TPCN1: variants seen among roughly 807,000 people sequenced by gnomAD.
TPCN1 encodes two pore channel protein 1.
A neutral mutation model predicts 108.8 loss-of-function variants in TPCN1; 52 were observed. The ratio of observed to expected loss-of-function variants is 0.48; its 90% CI spans 0.38 to 0.60. TPCN1 has a LOEUF of 0.60. TPCN1 is among the 20% of genes least tolerant of loss of function. TPCN1 has a pLI of 0.00. For synonymous variants in TPCN1, 446 were observed against 433.7 expected (o/e 1.03, Z -0.35); for missense variants, 806 against 1,072.8 (o/e 0.75, Z 3.47).
At chr12:113,246,585 G>A (rs184120179) in intron 2 of TPCN1, among the ~76,000 whole-genome samples, 105 of 152,284 alleles carry the variant, frequency 6.9e-4, no homozygotes, top group African/African-American at 2.1e-3. Flanking sequence ...TGTCCGGCCC[G>A]GTTGCCTCCC....
rs779315051 is a variant in TPCN1, at chr12:113,268,723, C to G, written c.529-19C>G. On this transcript the variant is annotated intron_variant, in intron 5 of 27. Coordinates refer to ENST00000335509, the MANE Select transcript of TPCN1 (RefSeq NM_017901.6). The surrounding 1 kb of genome is among the most constrained non-coding windows in gnomAD (Gnocchi z 7.3). ...CTGGGCTGCAGGGGCTGACGGTGCTCCATGCCTGCCACCCACAGACCTCGG... is the reference window on the plus strand; with the variant it reads ...CTGGGCTGCAGGGGCTGACGGTGCTGCATGCCTGCCACCCACAGACCTCGG... The G allele has an allele frequency of 2.5e-6, 4 of 1,612,314 alleles. No individual in the cohort carries two copies. In the Admixed American group the frequency reaches 6.7e-5, roughly 27 times the overall value.
In TPCN1 at chr12:113,288,575, C is replaced by T. The variant is rs1956166925; in HGVS notation, c.1707-183C>T. Reference sequence around the variant, plus strand: ...GGGGCATTTGTTCATAGCGTCCTGACTTGAGCTGTTTTTCACCCCAGAGCT... The same window carrying T: ...GGGGCATTTGTTCATAGCGTCCTGATTTGAGCTGTTTTTCACCCCAGAGCT... On this transcript the variant is annotated intron_variant, in intron 20 of 27. Transcript: ENST00000335509. The surrounding 1 kb of genome is among the most constrained non-coding windows in gnomAD (Gnocchi z 4.8). 1 of 1,470,366 alleles carries T rather than the reference C, an allele frequency of 6.8e-7. No homozygotes were observed. Among genetic ancestry groups the T allele is most frequent in the Non-Finnish European group, 9.0e-7 (1 of 1,113,382 alleles). 91.1% of individuals were successfully genotyped at this position (1,470,366 alleles called of 1,614,324 possible). A position where few individuals can be genotyped will look rare whatever the true frequency, so the allele number is the denominator to read the frequency against.
At chr12:113,241,804 GTA>G (rs1954146364) in intron 2 of TPCN1, among the ~76,000 whole-genome samples, 1 of 151,950 alleles carries the variant, frequency 6.6e-6, no homozygotes, top group Admixed American at 6.6e-5. Context: ...GCGTGTGTGT[GTA>G]TGAGACAGCA....
chr12:113,274,596 A>G (rs1955612371), intron 10 of TPCN1, among the ~76,000 whole-genome samples: 2 of 152,214 alleles, frequency 1.3e-5, no homozygotes, highest in Non-Finnish European at 2.9e-5. Flanking sequence ...GAACCCACAG[A>G]TAAAGAAGGC....
In TPCN1 at chr12:113,244,818, G is replaced by A. The variant is rs547655062; in HGVS notation, c.113-15550G>A. Reference sequence around the variant, plus strand: ...GTCCCAGTTTCTGGATGAAGAAACTGAGGCTCTGGGGATTAAGATCGTGAA... The same window carrying A: ...GTCCCAGTTTCTGGATGAAGAAACTAAGGCTCTGGGGATTAAGATCGTGAA... On this transcript the variant is annotated intron_variant, in intron 2 of 27. Coordinates refer to ENST00000335509, the MANE Select transcript of TPCN1 (RefSeq NM_017901.6). 4.2e-5 allele frequency: 40 copies of A among 947,136 alleles called. No homozygotes were observed. The Admixed American group carries it at 2.2e-3, about 52-fold the overall frequency. 58.7% of individuals were successfully genotyped at this position (947,136 alleles called of 1,614,324 possible).
At position 113,284,756 on chromosome 12, in the gene TPCN1, C is replaced by G; in HGVS notation, c.1438C>G (p.Leu480Val). 2 of 1,614,236 alleles carry G rather than the reference C, an allele frequency of 1.2e-6. No homozygotes were observed. The highest frequency in any genetic ancestry group is 1.7e-6 in the Non-Finnish European group (2 of 1,180,046). Reference sequence around the variant, plus strand: ...CTCCAAGCACGTGCCCTGGAGTTACCTCGTCTTTCTAACTAGTACGTTTCC... The same window carrying G: ...CTCCAAGCACGTGCCCTGGAGTTACGTCGTCTTTCTAACTAGTACGTTTCC... The part of the protein sequence containing the change: ...FFSKHVPWSY[L>V]VFLTIYGVEL... Residue 480 changes from leucine (L) to valine (V), a missense_variant, in exon 17 of 28, where the codon CTC (leucine) becomes GTC (valine). Physicochemically the swap from Leu to Val is conservative, Grantham distance 32 (BLOSUM62 1). Coordinates refer to ENST00000335509, the MANE Select transcript of TPCN1 (RefSeq NM_017901.6). This position sits in a 1 kb window ranked among gnomAD's most constrained non-coding sequence, Gnocchi z 4.1.
At chr12:113,264,960 G>A (rs1418902656) in intron 3 of TPCN1, among the ~76,000 whole-genome samples, 1 of 152,044 alleles carries the variant, frequency 6.6e-6, no homozygotes, top group African/African-American at 2.4e-5. Context: ...CAAGTAGCTG[G>A]GACTACAGGC....
At chr12:113,241,525 A>G (rs1443378679) in intron 2 of TPCN1, among the ~76,000 whole-genome samples, 1 of 152,216 alleles carries the variant, frequency 6.6e-6, no homozygotes, top group East Asian at 1.9e-4. Flanking sequence ...TTGAGTCTCA[A>G]GCCAAACTTG....
intron 15 of TPCN1, 68 bp downstream of exon 15, chr12:113,280,263 G>A: frequency 7.4e-7 from 1 of 1,346,662 alleles, no homozygotes; most frequent in Non-Finnish European, 1.1e-6. Context: ...AGAAGCGGGA[G>A]AGGCAAGAGA....
Position 113,285,812 on chromosome 12 carries a change from G to A in TPCN1, c.1454-77G>A, listed in dbSNP as rs1255914667. The A allele has an allele frequency of 2.4e-6, 3 of 1,266,622 alleles. No individual in the cohort carries two copies. In the African/African-American group the frequency reaches 4.4e-5, roughly 19 times the overall value. 78.5% of individuals were successfully genotyped at this position (1,266,622 alleles called of 1,614,324 possible). On this transcript the variant is annotated intron_variant, in intron 17 of 27. Transcript: ENST00000335509. ...GCCAGCAGGGAGGCTGCAGACTGTG[G>A]AGGAGCCTCAAAGAGGAGACCGAGC...
At position 113,268,775 on chromosome 12, in the gene TPCN1, A is replaced by G. The variant is rs1200621492; in HGVS notation, c.562A>G (p.Ile188Val). The stretch of plus-strand genomic sequence containing the variant: ...GCTGGTGGTGCAGTTTGTCGAGGCC[A>G]TCGTGGTGTTGGTACGGCAGATGTC... The part of the protein sequence containing the change: ...SVLVVQFVEA[I>V]VVLVRQMSHV... The change falls in exon 6 of 28, where the codon ATC becomes GTC. Residue 188 changes from isoleucine to valine, a missense_variant. Ile to Val is a conservative substitution (Grantham distance 29). Coordinates refer to ENST00000335509, the MANE Select transcript of TPCN1 (RefSeq NM_017901.6). The surrounding 1 kb of genome is among the most constrained non-coding windows in gnomAD (Gnocchi z 7.3). The G allele has an allele frequency of 3.1e-6, 5 of 1,613,842 alleles. No individual in the cohort carries two copies. The highest frequency in any genetic ancestry group is 1.3e-5 in the African/African-American group (1 of 74,908).
rs763214124 is a variant in TPCN1, at chr12:113,276,011, A to C, written c.943-908A>C. Reference sequence around the variant, plus strand: ...TCAACAAAGTACGACCTGCTGGCCAAATTTGGCCCATGGCCTGTGTTTGTA... The same window carrying C: ...TCAACAAAGTACGACCTGCTGGCCACATTTGGCCCATGGCCTGTGTTTGTA... On this transcript the variant is annotated intron_variant, in intron 10 of 27. Transcript: ENST00000335509. Among the ~76,000 whole-genome samples the C allele has an allele frequency of 3.1e-4, 47 of 152,248 alleles. 1 individual carries two copies. Among genetic ancestry groups the C allele is most frequent in the Admixed American group, 1.4e-3 (22 of 15,284 alleles).
At chr12:113,245,907 A>G (rs988204638) in intron 2 of TPCN1, 3 of 455,160 alleles carry the variant, frequency 6.6e-6, no homozygotes, top group Non-Finnish European at 1.3e-5. Flanking sequence ...ATCTGGCACC[A>G]CCAGGACGCT....
At position 113,290,159 on chromosome 12, in the gene TPCN1, C is replaced by T. The variant is rs1164184756; in HGVS notation, c.1828C>T (p.Arg610Cys). 7.5e-6 allele frequency: 12 copies of T among 1,603,322 alleles called. No homozygotes were observed. The East Asian group carries it at 1.6e-4, about 21-fold the overall frequency. The part of the protein sequence containing the change: ...TSTVADAYRW[R>C]NHTVGNRTVV... ...TACAGTGGCAGATGCCTACCGCTGGCGCAACCACACCGTGGGCAACAGGAC... is the reference window on the plus strand; with the variant it reads ...TACAGTGGCAGATGCCTACCGCTGGTGCAACCACACCGTGGGCAACAGGAC... The change falls in exon 22 of 28, where the codon CGC (arginine) becomes TGC (cysteine). Residue 610 changes from arginine (R) to cysteine (C), a missense_variant. Coordinates refer to ENST00000335509, the MANE Select transcript of TPCN1 (RefSeq NM_017901.6).
Position 113,289,721 on chromosome 12 carries a change from T to C in TPCN1, c.1797-407T>C, listed in dbSNP as rs554350244. ...TTCAAATACTTGCTCAGGCCAAGTA[T>C]TGGGGAAGCCCCAGTAGGGAATTCC... On this transcript the variant is annotated intron_variant, in intron 21 of 27. Coordinates refer to ENST00000335509, the MANE Select transcript of TPCN1 (RefSeq NM_017901.6). The surrounding 1 kb of genome is among the most constrained non-coding windows in gnomAD (Gnocchi z 4.1). Among the ~76,000 whole-genome samples, 61 of 152,338 alleles carry C rather than the reference T, an allele frequency of 4.0e-4. No individual in the cohort carries two copies. The highest frequency in any genetic ancestry group is 3.4e-3 in the Middle Eastern group (1 of 294).
chr12:113,276,721 G>A (rs762126583), intron 10 of TPCN1, among the ~76,000 whole-genome samples, 198 bp from the exon 11 acceptor site: 3 of 152,144 alleles, frequency 2.0e-5, no homozygotes, highest in South Asian at 2.1e-4. Context: ...ATTTACAAGC[G>A]GAACAAAGGG....
intron 15 of TPCN1, among the ~76,000 whole-genome samples, chr12:113,282,369 A>C (rs926518492): frequency 2.6e-5 from 4 of 151,988 alleles, no homozygotes; most frequent in African/African-American, 9.7e-5. Flanking sequence ...CTAGGATTAC[A>C]GGCATGAGCC....
At position 113,288,240 on chromosome 12, in the gene TPCN1, G is replaced by A. The variant is rs368755433; in HGVS notation, c.1706+6G>A. ...CTGCTGCCCCGGATGGCCAGGTACT[G>A]CCAGCCCCCACCCTGGCCTGCAGGT... On this transcript the variant is annotated splice_donor_region_variant and intron_variant, in intron 20 of 27. Coordinates refer to ENST00000335509, the MANE Select transcript of TPCN1 (RefSeq NM_017901.6). This position sits in a 1 kb window ranked among gnomAD's most constrained non-coding sequence, Gnocchi z 4.8. The A allele has an allele frequency of 1.2e-6, 2 of 1,613,678 alleles. No homozygotes were observed. The highest frequency in any genetic ancestry group is 3.3e-5 in the Admixed American group (2 of 59,994).
In TPCN1 at chr12:113,273,490, C is replaced by T. The variant is rs1007740553; in HGVS notation, c.843-79C>T. 7.5e-7 allele frequency: 1 copy of T among 1,326,696 alleles called. No individual in the cohort carries two copies. Among genetic ancestry groups the T allele is most frequent in the Non-Finnish European group, 1.1e-6 (1 of 918,664 alleles). 82.2% of individuals were successfully genotyped at this position (1,326,696 alleles called of 1,614,324 possible). On this transcript the variant is annotated intron_variant, in intron 9 of 27. Transcript: ENST00000335509. This position sits in a 1 kb window ranked among gnomAD's most constrained non-coding sequence, Gnocchi z 4.0. ...GGAGGCTGGGAAGGCAGACAAGGAG[C>T]TGTCCTCTGCAAGGCATGTGCTCTG...
Sources: gnomAD v4.1 joint callset for allele counts (sites outside exome capture counted in the v4.1 genomes callset) on GRCh38, gnomAD v4.1.1 for gene constraint, Gnocchi (gnomAD v3.1) non-coding constraint, MANE v1.5 for transcripts, NCBI Gene and HGNC (gene_info 2026-07-23, HGNC 2026-07-21) for gene names.